TTC17: variants seen among roughly 807,000 people sequenced by gnomAD.
TTC17 encodes tetratricopeptide repeat protein 17.
In TTC17, 58 loss-of-function variants were observed where a neutral mutation model predicts 143.8. The observed-to-expected ratio is 0.40, with a 90% CI of 0.33 to 0.50. The LOEUF (loss-of-function observed/expected upper bound fraction) is 0.50. Among genes scored for constraint, TTC17 ranks in the 20% least tolerant of loss-of-function variants. TTC17 has a pLI of 0.49. For missense variants in TTC17, 1,273 were observed against 1,392.5 expected, an observed-to-expected ratio of 0.91 and a Z score of 1.37; for synonymous variants, 501 against 497.8, an observed-to-expected ratio of 1.01 and a Z score of -0.09.
chr11:43,443,374 T>C lies in TTC17; in HGVS notation c.2301T>C (p.Asp767=), dbSNP rs772993544. 2 of 1,614,112 alleles carry C rather than the reference T, an allele frequency of 1.2e-6. No individual in the cohort carries two copies. Among genetic ancestry groups the C allele is most frequent in the South Asian group, 2.2e-5 (2 of 91,080 alleles). ...SNGSDEMENS[D]ETKMSEEILA... is the part of the protein sequence containing the mutation. ...GTTCTGATGAGATGGAGAATTCAGA[T>C]GAAACCAAAATGTCAGAAGAAATAC... is the stretch of plus-strand genomic sequence containing the variant. Residue 767 remains aspartate, a synonymous_variant, in exon 17 of 24, where the codon GAT becomes GAC. Coordinates refer to ENST00000039989, the MANE Select transcript of TTC17 (RefSeq NM_018259.6).
intron 2 of TTC17, among the ~76,000 whole-genome samples, chr11:43,387,869 C>T (rs1857226584): frequency 6.6e-6 from 1 of 152,198 alleles, no homozygotes. Flanking sequence ...ATAACATAGT[C>T]TACTACCATA....
At chr11:43,410,413 A>C (rs1858355674) in intron 15 of TTC17, among the ~76,000 whole-genome samples, 1 of 152,168 alleles carries the variant, frequency 6.6e-6, no homozygotes, top group South Asian at 2.1e-4. Context: ...TCTATGGCTT[A>C]ATCTTTGAAT....
At chr11:43,404,243 G>C in intron 11 of TTC17, 99 bp downstream of exon 11, 2 of 1,087,162 alleles carry the variant, frequency 1.8e-6, no homozygotes, top group Non-Finnish European at 2.6e-6. Context: ...CTCTATGACT[G>C]TTCAGATTAG....
rs758309277 is a variant in TTC17, at chr11:43,404,021, C to T, written c.1356C>T (p.Ser452=). Residue 452 remains serine (S), a synonymous_variant, in exon 11 of 24, where the codon TCC becomes TCT. Coordinates refer to ENST00000039989, the MANE Select transcript of TTC17 (RefSeq NM_018259.6). ...AGTTTGGTGAGGATTCATCAACCTC[C>T]AGTATGATGTCTGTGAACTTTGATG... ...YVQFGEDSST[S]SMMSVNFDVQ... The T allele has an allele frequency of 2.7e-5, 43 of 1,609,082 alleles. No homozygotes were observed. Among genetic ancestry groups the T allele is most frequent in the African/African-American group, 5.4e-5 (4 of 74,594 alleles).
chr11:43,381,294 T>C (rs1329234282), intron 2 of TTC17, among the ~76,000 whole-genome samples: 1 of 152,128 alleles, frequency 6.6e-6, no homozygotes, highest in Non-Finnish European at 1.5e-5. Context: ...GGCTTGAAAG[T>C]AGTATAAGCA....
intron 16 of TTC17, among the ~76,000 whole-genome samples, chr11:43,431,961 A>G (rs1947169848): frequency 6.6e-6 from 1 of 152,222 alleles, no homozygotes; most frequent in African/African-American, 2.4e-5. Context: ...CTCTCAATTC[A>G]TTTGTGGCAT....
chr11:43,474,091 A>ATGCCC, intron 21 of TTC17, among the ~76,000 whole-genome samples: 1 of 152,202 alleles, frequency 6.6e-6, no homozygotes, highest in Non-Finnish European at 1.5e-5. Flanking sequence ...GCAAATTGGA[A>ATGCCC]ACAACCCAAA....
At chr11:43,489,690 A>T (rs2134489879) in intron 21 of TTC17, 1 of 150,988 alleles carries the variant, frequency 6.6e-6, no homozygotes, top group Admixed American at 6.6e-5. Context: ...GTGAGCTGAG[A>T]TCATTCCACT....
At chr11:43,478,616 G>T (rs1948228770) in intron 21 of TTC17, among the ~76,000 whole-genome samples, 1 of 151,970 alleles carries the variant, frequency 6.6e-6, no homozygotes, top group Non-Finnish European at 1.5e-5. Context: ...ATTTATTTAT[G>T]TAATTTAAAG....
At chr11:43,464,146 G>C (rs1392539859) in intron 21 of TTC17, among the ~76,000 whole-genome samples, 1 of 152,060 alleles carries the variant, frequency 6.6e-6, no homozygotes, top group Admixed American at 6.5e-5. Flanking sequence ...TGGGCGTGGT[G>C]GTGCACGCCT....
At chr11:43,492,293 C>T in intron 23 of TTC17, 130 bp downstream of exon 23, 2 of 1,237,872 alleles carry the variant, frequency 1.6e-6, no homozygotes, top group African/African-American at 1.5e-5. Context: ...CTGGTTCCAC[C>T]AATGTTATAT....
intron 16 of TTC17, among the ~76,000 whole-genome samples, chr11:43,422,314 C>G (rs902113459): frequency 1.3e-5 from 2 of 152,074 alleles, no homozygotes; most frequent in African/African-American, 4.8e-5. Context: ...TGGTTTTGGA[C>G]ATGTTAAATT....
chr11:43,363,730 C>T (rs534823077), intron 1 of TTC17, among the ~76,000 whole-genome samples: 12 of 152,170 alleles, frequency 7.9e-5, no homozygotes, highest in Non-Finnish European at 1.5e-4. Context: ...TAATGTGTGG[C>T]ATTTCGTGGC....
At chr11:43,368,004 AG>A (rs1171668518) in intron 1 of TTC17, among the ~76,000 whole-genome samples, 4 of 152,228 alleles carry the variant, frequency 2.6e-5, no homozygotes, top group Non-Finnish European at 4.4e-5. Context: ...ACACTGAGTA[AG>A]GGAGAGAGAA....
At chr11:43,461,408 AAAAAAAAAC>A (rs1199211133) in intron 21 of TTC17, among the ~76,000 whole-genome samples, 12 of 149,520 alleles carry the variant, frequency 8.0e-5, no homozygotes, top group African/African-American at 2.5e-4. Context: ...AAAAAAAAAA[AAAAAAAAAC>A]TAGAAGCCAT....
chr11:43,480,880 GA>G (rs1948272866), intron 21 of TTC17, among the ~76,000 whole-genome samples: 1 of 100,824 alleles, frequency 9.9e-6, no homozygotes, highest in Non-Finnish European at 2.1e-5. Context: ...ATCAATACAA[GA>G]AAATGCAAAA....
chr11:43,403,402 A>C (rs1320497594), intron 10 of TTC17, among the ~76,000 whole-genome samples: 1 of 152,154 alleles, frequency 6.6e-6, no homozygotes, highest in Admixed American at 6.5e-5. Context: ...ATTATCTAGC[A>C]AGGTTTCAGA....
rs1284372848 is a variant in TTC17 at position 43,494,629 on chromosome 11, A to G, written c.*725A>G. ...ATTACAAATCACAAGGAAACCAATA[A>G]GTTGAAATCCTATATAACAGGTTTA... On this transcript the variant is annotated 3_prime_UTR_variant, in exon 24 of 24. Transcript: ENST00000039989. The G allele has an allele frequency of 1.3e-5, 2 of 152,162 alleles. No homozygotes were observed. The highest frequency in any genetic ancestry group is 4.8e-5 in the African/African-American group (2 of 41,432). 9.4% of individuals were successfully genotyped at this position (152,162 alleles called of 1,614,324 possible).
chr11:43,414,561 A>G, intron 15 of TTC17, 29 bp from the exon 16 acceptor site: 1 of 1,583,530 alleles, frequency 6.3e-7, no homozygotes, highest in Non-Finnish European at 8.6e-7. Flanking sequence ...TAGTTCATTA[A>G]CATTTTGCCG....
Sources: gnomAD v4.1 joint callset for allele counts (sites outside exome capture counted in the v4.1 genomes callset) on GRCh38, gnomAD v4.1.1 for gene constraint, MANE v1.5 for transcripts, NCBI Gene and HGNC (gene_info 2026-07-23, HGNC 2026-07-21) for gene names.